SEC24D: variants seen among roughly 807,000 people sequenced by gnomAD.
SEC24D encodes the protein SEC24 homolog D, COPII component.
SEC24D carries 69 observed loss-of-function variants against 116.9 expected under a neutral mutation model. That is an observed-to-expected ratio of 0.59 (90% CI 0.49 to 0.72). The LOEUF is 0.72. SEC24D is among the 30% of genes least tolerant of loss of function. SEC24D has a pLI of 0.00. For missense variants in SEC24D, 1,131 were observed against 1,264.1 expected, an observed-to-expected ratio of 0.89 and a Z score of 1.60; for synonymous variants, 405 against 442.8, an observed-to-expected ratio of 0.91 and a Z score of 1.07.
At chr4:118,825,563 T>G (rs1242141746) in intron 2 of SEC24D, 1 of 456,212 alleles carries the variant, frequency 2.2e-6, no homozygotes, top group Non-Finnish European at 4.4e-6. Context: ...ACTGGTTACT[T>G]ATTAGTTGTA....
chr4:118,752,714 G>C lies in SEC24D; in HGVS notation c.1596C>G (p.Ser532=). The change falls in exon 12 of 23, where the codon TCC becomes TCG. Residue 532 remains serine, a synonymous_variant. Transcript: ENST00000280551. Reference sequence around the variant, plus strand: ...ATATTTACTTATGAATCACAGATTGGGATTCTTGATAGTTGACAAGGAAAC... The same window carrying C: ...ATATTTACTTATGAATCACAGATTGCGATTCTTGATAGTTGACAAGGAAAC... ...LDGFLVNYQE[S]QSVIHNLLDQ... 6.3e-7 allele frequency: 1 copy of C among 1,599,336 alleles called. No homozygotes were observed. The highest frequency in any genetic ancestry group is 8.5e-7 in the Non-Finnish European group (1 of 1,174,060).
rs559939370 is a variant in SEC24D, at chr4:118,737,798, C to T, written c.2496+463G>A. 9.9e-5 allele frequency among the ~76,000 whole-genome samples: 15 copies of T among 151,998 alleles called. No individual in the cohort carries two copies. In the East Asian group the frequency reaches 1.9e-3, roughly 20 times the overall value. On this transcript the variant is annotated intron_variant, in intron 19 of 22. Transcript: ENST00000280551. ...GTCAATTCTTTGAAAACTCTTCACA[C>T]CTATTAATAACTTTTAAATGTAAAG... is the stretch of plus-strand genomic sequence containing the variant.
In SEC24D at chr4:118,723,383, C is replaced by G; in HGVS notation, c.*132G>C. The G allele has an allele frequency of 2.3e-6, 2 of 885,988 alleles. No homozygotes were observed. The highest frequency in any genetic ancestry group is 3.4e-6 in the Non-Finnish European group (2 of 590,182). 54.9% of individuals were successfully genotyped at this position (885,988 alleles called of 1,614,324 possible). On this transcript the variant is annotated 3_prime_UTR_variant, in exon 23 of 23. Transcript: ENST00000280551. Reference sequence around the variant, plus strand: ...AGCACCAAAGCTGAAGTTCTAAATGCCATCTCTTCCTGGAAAGTTATTCTG... The same window carrying G: ...AGCACCAAAGCTGAAGTTCTAAATGGCATCTCTTCCTGGAAAGTTATTCTG...
At chr4:118,827,207 G>C (rs1219996088) in intron 2 of SEC24D, among the ~76,000 whole-genome samples, 1 of 152,170 alleles carries the variant, frequency 6.6e-6, no homozygotes. Context: ...AAGCTGTCCA[G>C]GTTGGCTGGG....
intron 17 of SEC24D, among the ~76,000 whole-genome samples, chr4:118,739,836 A>T (rs1387253487): frequency 6.6e-6 from 1 of 152,166 alleles, no homozygotes; most frequent in Non-Finnish European, 1.5e-5. Context: ...GATGATGCCA[A>T]TGTTTGGAAA....
chr4:118,748,126 C>T (rs775582237), intron 13 of SEC24D, among the ~76,000 whole-genome samples: 3 of 151,964 alleles, frequency 2.0e-5, no homozygotes, highest in East Asian at 1.9e-4. Flanking sequence ...TTAGCTGGGG[C>T]GTGGTGGCAC....
At chr4:118,778,960 G>A (rs555851464) in intron 8 of SEC24D, among the ~76,000 whole-genome samples, 7 of 152,190 alleles carry the variant, frequency 4.6e-5, no homozygotes, top group Admixed American at 1.3e-4. Context: ...TTTGTATCCT[G>A]AGACTTTGCT....
intron 7 of SEC24D, among the ~76,000 whole-genome samples, chr4:118,798,428 G>A (rs1379512255): frequency 6.6e-6 from 1 of 151,920 alleles, no homozygotes; most frequent in East Asian, 1.9e-4. Context: ...TTACTTCATG[G>A]CATATCCGAG....
intron 8 of SEC24D, among the ~76,000 whole-genome samples, chr4:118,781,066 T>C (rs1010946944): frequency 6.6e-6 from 1 of 152,118 alleles, no homozygotes; most frequent in African/African-American, 2.4e-5. Flanking sequence ...CCAGTCTGTG[T>C]CTTTTAATTG....
At chr4:118,760,095 G>A (rs1431685376) in intron 10 of SEC24D, among the ~76,000 whole-genome samples, 2 of 152,268 alleles carry the variant, frequency 1.3e-5, no homozygotes, top group African/African-American at 2.4e-5. Flanking sequence ...GAAGGCCCAC[G>A]TGGCTCTTTT....
intron 7 of SEC24D, among the ~76,000 whole-genome samples, chr4:118,803,331 C>A (rs2110511750): frequency 6.6e-6 from 1 of 152,314 alleles, no homozygotes; most frequent in Non-Finnish European, 1.5e-5. Flanking sequence ...AAGCTATGCA[C>A]ATGCTGTTAC....
chr4:118,750,769 T>C (rs575918142), intron 13 of SEC24D, among the ~76,000 whole-genome samples: 1 of 152,304 alleles, frequency 6.6e-6, no homozygotes, highest in East Asian at 1.9e-4. Flanking sequence ...TTATTATTTG[T>C]TTGCTTCTGT....
chr4:118,734,998 T>C (rs1418450286), intron 19 of SEC24D, among the ~76,000 whole-genome samples: 1 of 152,248 alleles, frequency 6.6e-6, no homozygotes, highest in Non-Finnish European at 1.5e-5. Context: ...TGTTCTTAGA[T>C]TCCTGTATAA....
intron 21 of SEC24D, chr4:118,729,601 A>T (rs995609994): frequency 1.3e-5 from 2 of 152,238 alleles, no homozygotes; most frequent in African/African-American, 4.8e-5. Context: ...GATAGCCCAG[A>T]AATCTGGTTA....
At chr4:118,797,562 C>T (rs1729234088) in intron 8 of SEC24D, 121 bp downstream of exon 8, 14 of 788,164 alleles carry the variant, frequency 1.8e-5, no homozygotes, top group Non-Finnish European at 2.6e-5. Flanking sequence ...AGATGTTTTG[C>T]ATTATAAAAA....
chr4:118,810,304 C>A (rs1397680041), intron 6 of SEC24D, among the ~76,000 whole-genome samples: 2 of 151,832 alleles, frequency 1.3e-5, no homozygotes, highest in South Asian at 4.2e-4. Flanking sequence ...GCAGGGAGAC[C>A]AATTAGGAGG....
At chr4:118,771,606 G>A (rs896698910) in intron 8 of SEC24D, among the ~76,000 whole-genome samples, 4 of 151,608 alleles carry the variant, frequency 2.6e-5, no homozygotes, top group African/African-American at 9.7e-5. Context: ...TGGACCACAA[G>A]TGAGAATATC....
At chr4:118,731,246 C>T (rs1320678542) in intron 21 of SEC24D, 70 bp downstream of exon 21, 1 of 1,240,818 alleles carries the variant, frequency 8.1e-7, no homozygotes, top group Non-Finnish European at 1.2e-6. Context: ...TATTTGACTG[C>T]ACATAAATAA....
chr4:118,832,455 A>G lies in SEC24D; in HGVS notation c.118+1124T>C, dbSNP rs575476459. Among the ~76,000 whole-genome samples the G allele has an allele frequency of 6.4e-4, 97 of 152,238 alleles. 1 individual carries two copies. The South Asian group carries it at 0.02, about 31-fold the overall frequency. ...TATGCTGAGCCATGGAGGGAAGGAGAGGTAAAGGTGGAGATTACCAAGCAT... is the reference window on the plus strand; with the variant it reads ...TATGCTGAGCCATGGAGGGAAGGAGGGGTAAAGGTGGAGATTACCAAGCAT... On this transcript the variant is annotated intron_variant, in intron 2 of 22. Coordinates refer to ENST00000280551, the MANE Select transcript of SEC24D (RefSeq NM_014822.4).
Sources: allele counts gnomAD v4.1 joint callset (sites outside exome capture counted in the v4.1 genomes callset), GRCh38; gene constraint gnomAD v4.1.1; transcripts MANE v1.5; gene names NCBI Gene and HGNC (gene_info 2026-07-23, HGNC 2026-07-21).